IL1RAPL1: variants seen among roughly 807,000 people sequenced by gnomAD.
The protein encoded by IL1RAPL1 is interleukin 1 receptor accessory protein like 1.
Under a neutral mutation model 48.4 loss-of-function variants are expected in IL1RAPL1, and 3 were observed. The ratio of observed to expected loss-of-function variants is 0.06; its 90% CI spans 0.03 to 0.16. The LOEUF (loss-of-function observed/expected upper bound fraction) is 0.16, where lower values mean the gene tolerates loss of function less well. Ranked by LOEUF, IL1RAPL1 falls within the 10% of genes least tolerant of loss-of-function variation. The pLI is 1.00. For missense variants in IL1RAPL1, 349 were observed against 530.6 expected, an observed-to-expected ratio of 0.66 and a Z score of 3.36; for synonymous variants, 185 against 187.7, an observed-to-expected ratio of 0.99 and a Z score of 0.12.
chrX:29,084,509 CT>C (rs1206220614), intron 2 of IL1RAPL1, among the ~76,000 whole-genome samples: 1 of 112,046 alleles, frequency 8.9e-6, no homozygotes, highest in Non-Finnish European at 1.9e-5. Context: ...CAATGTAAAA[CT>C]TTTAAATCAA....
At chrX:29,401,701 C>A (rs2147690337) in intron 5 of IL1RAPL1, among the ~76,000 whole-genome samples, 1 of 108,220 alleles carries the variant, frequency 9.2e-6, no homozygotes, top group East Asian at 2.9e-4. Flanking sequence ...AAAGAGGAAT[C>A]CTATACGTAA....
At chrX:28,645,347 CAAAAAAAAAAAAAAAAAA>C (rs35814453) in intron 1 of IL1RAPL1, among the ~76,000 whole-genome samples, 48 of 29,053 alleles carry the variant, frequency 1.7e-3, no homozygotes, top group Non-Finnish European at 2.1e-3. Flanking sequence ...AATTCCGCCT[CAAAAAAAAAAAAAAAAAA>C]AAAAAAAAGG....
intron 2 of IL1RAPL1, among the ~76,000 whole-genome samples, chrX:28,853,503 A>G (rs543422138): frequency 9.0e-6 from 1 of 110,752 alleles, no homozygotes; most frequent in Non-Finnish European, 1.9e-5. Context: ...GCACACACAC[A>G]CACACACACT....
chrX:29,456,587 G>C (rs138970559), intron 5 of IL1RAPL1, among the ~76,000 whole-genome samples: 23 of 111,056 alleles, frequency 2.1e-4, no homozygotes, highest in African/African-American at 5.9e-4. Flanking sequence ...GCTAGGTGCA[G>C]AAGATATAAT....
chrX:29,816,939 A>G (rs1041996392), intron 6 of IL1RAPL1, among the ~76,000 whole-genome samples: 6 of 109,451 alleles, frequency 5.5e-5, no homozygotes, highest in African/African-American at 2.0e-4. Context: ...TGTGCTTTTT[A>G]GCTCTCTCTG....
intron 2 of IL1RAPL1, among the ~76,000 whole-genome samples, chrX:29,090,740 T>C (rs1170845787): frequency 8.9e-6 from 1 of 111,773 alleles, no homozygotes; most frequent in African/African-American, 3.2e-5. Context: ...AGGGTTTAAA[T>C]AAAATGAAAA....
intron 2 of IL1RAPL1, among the ~76,000 whole-genome samples, chrX:28,826,268 A>G (rs1272426323): frequency 2.7e-5 from 3 of 111,427 alleles, no homozygotes; most frequent in Non-Finnish European, 1.9e-5. Flanking sequence ...ATGAGTGTAA[A>G]CCCTAAGAAT....
chrX:28,888,267 A>C (rs760915692), intron 2 of IL1RAPL1, among the ~76,000 whole-genome samples: 40 of 110,738 alleles, frequency 3.6e-4, no homozygotes, highest in African/African-American at 1.0e-3. Context: ...GGTAAAAAAA[A>C]AAAAACAAAA....
At chrX:29,054,399 C>T (rs941861854) in intron 2 of IL1RAPL1, among the ~76,000 whole-genome samples, 2 of 111,364 alleles carry the variant, frequency 1.8e-5, no homozygotes, top group African/African-American at 6.5e-5. Context: ...CGCTGCCTCC[C>T]ACTTACCCCT....
chrX:28,712,990 A>G (rs1045129062), intron 1 of IL1RAPL1, among the ~76,000 whole-genome samples: 1 of 111,753 alleles, frequency 8.9e-6, no homozygotes, highest in Non-Finnish European at 1.9e-5. Context: ...ATTGGCTGTT[A>G]TGCCAAAAGA....
At chrX:29,539,187 A>G (rs1459499682) in intron 5 of IL1RAPL1, among the ~76,000 whole-genome samples, 1 of 111,838 alleles carries the variant, frequency 8.9e-6, no homozygotes, top group Non-Finnish European at 1.9e-5. Context: ...ACTGAATTCA[A>G]TAGCACATCA....
chrX:29,454,712 G>T (rs1475353606), intron 5 of IL1RAPL1, among the ~76,000 whole-genome samples: 1 of 110,798 alleles, frequency 9.0e-6, no homozygotes, highest in Admixed American at 9.7e-5. Flanking sequence ...GCTATATGGG[G>T]AATAAAATAA....
At chrX:29,408,621 T>C (rs1330478471) in intron 5 of IL1RAPL1, among the ~76,000 whole-genome samples, 1 of 111,913 alleles carries the variant, frequency 8.9e-6, no homozygotes, top group Non-Finnish European at 1.9e-5. Flanking sequence ...AAGGATGTGA[T>C]AGTTTTAGTA....
intron 2 of IL1RAPL1, among the ~76,000 whole-genome samples, chrX:29,220,533 G>C (rs1930954353): frequency 9.0e-6 from 1 of 110,498 alleles, no homozygotes; most frequent in Non-Finnish European, 1.9e-5. Context: ...GCTACTCTTG[G>C]TTGCACAAGG....
chrX:29,917,456 C>A lies in IL1RAPL1; in HGVS notation c.779-8C>A. ...TTTATAACACTTTTCCATCACTTCT[C>A]TCTGCAGGTGACTCTGCTAATCTAA... On this transcript the variant is annotated splice_polypyrimidine_tract_variant and splice_region_variant and intron_variant, in intron 6 of 10. Coordinates refer to ENST00000378993, the MANE Select transcript of IL1RAPL1 (RefSeq NM_014271.4). 8.3e-7 allele frequency: 1 copy of A among 1,208,248 alleles called. No homozygotes were observed. The highest frequency in any genetic ancestry group is 3.0e-5 in the East Asian group (1 of 33,787).
chrX:29,161,947 G>T (rs1023537686), intron 2 of IL1RAPL1, among the ~76,000 whole-genome samples: 1 of 111,885 alleles, frequency 8.9e-6, no homozygotes, highest in African/African-American at 3.2e-5. Context: ...GCAAAGACTT[G>T]GAACTAACCC....
At chrX:29,446,893 C>T (rs1934618547) in intron 5 of IL1RAPL1, among the ~76,000 whole-genome samples, 1 of 110,507 alleles carries the variant, frequency 9.0e-6, no homozygotes, top group South Asian at 3.8e-4. Context: ...CACTGACCTA[C>T]CTCCCTCTCA....
intron 1 of IL1RAPL1, among the ~76,000 whole-genome samples, chrX:28,595,949 G>A (rs1167362771): frequency 9.0e-6 from 1 of 110,904 alleles, no homozygotes; most frequent in East Asian, 2.9e-4. Flanking sequence ...TTTTCTTGTC[G>A]AGGTTCTCCT....
At chrX:28,765,595 A>G (rs1195523244) in intron 1 of IL1RAPL1, among the ~76,000 whole-genome samples, 4 of 111,589 alleles carry the variant, frequency 3.6e-5, no homozygotes, top group East Asian at 2.8e-4. Context: ...CTTTTTTGGT[A>G]TACTATCTGG....
Sources: gnomAD v4.1 joint callset for allele counts (sites outside exome capture counted in the v4.1 genomes callset) on GRCh38, gnomAD v4.1.1 for gene constraint, MANE v1.5 for transcripts, NCBI Gene and HGNC (gene_info 2026-07-23, HGNC 2026-07-21) for gene names.